HLA-DMB: variants seen among roughly 807,000 people sequenced by gnomAD.
HLA-DMB encodes HLA class II histocompatibility antigen, DM beta chain.
A neutral mutation model predicts 29.3 loss-of-function variants in HLA-DMB; 18 were observed. The observed-to-expected ratio is 0.62, with a 90% CI of 0.43 to 0.91. HLA-DMB has a LOEUF of 0.91. Among genes scored for constraint, HLA-DMB ranks in the 40% least tolerant of loss-of-function variants. HLA-DMB has a pLI of 0.00. For missense variants in HLA-DMB, 258 were observed against 320.9 expected (o/e 0.80, Z 1.50); for synonymous variants, 143 against 128.7 (o/e 1.11, Z -0.75).
At position 32,937,513 on chromosome 6, in the gene HLA-DMB, C is replaced by G; in HGVS notation, c.338-57G>C. On this transcript the variant is annotated intron_variant, in intron 2 of 5. Coordinates refer to ENST00000418107, the MANE Select transcript of HLA-DMB (RefSeq NM_002118.5). This position sits in a 1 kb window ranked among gnomAD's most constrained non-coding sequence, Gnocchi z 4.1. ...GAGGGTGACATTCTGGCTGCTTCCT[C>G]AACCTGGTTTCTTCCCTATCGCAAC... 6.5e-7 allele frequency: 1 copy of G among 1,533,028 alleles called. No individual in the cohort carries two copies. The highest frequency in any genetic ancestry group is 2.3e-5 in the East Asian group (1 of 44,214). The allele number at this position is 1,533,028 out of a possible 1,614,324, so 95.0% of individuals were successfully genotyped here.
At position 32,938,700 on chromosome 6, in the gene HLA-DMB, T is replaced by A. The variant is rs547721366; in HGVS notation, c.321A>T (p.Ser107=). 2.6e-6 allele frequency: 4 copies of A among 1,524,050 alleles called. No homozygotes were observed. The highest frequency in any genetic ancestry group is 2.5e-5 in the South Asian group (2 of 78,630). The allele number at this position is 1,524,050 out of a possible 1,614,324, so 94.4% of individuals were successfully genotyped here. Reference sequence around the variant, plus strand: ...TCTCCTCACGTGTCCTGTTGGTCAGTGATCCCCAGAAGGGCTGGGTGTGTG... The same window carrying A: ...TCTCCTCACGTGTCCTGTTGGTCAGAGATCCCCAGAAGGGCTGGGTGTGTG... ...CATHTQPFWG[S]LTNRTRPPSV... is the part of the protein sequence containing the mutation. The change falls in exon 2 of 6, where the codon TCA becomes TCT. Residue 107 remains serine, a synonymous_variant. Coordinates refer to ENST00000418107, the MANE Select transcript of HLA-DMB (RefSeq NM_002118.5).
At position 32,937,718 on chromosome 6, in the gene HLA-DMB, T is replaced by C. The variant is rs1374028685; in HGVS notation, c.338-262A>G. On this transcript the variant is annotated intron_variant, in intron 2 of 5. Coordinates refer to ENST00000418107, the MANE Select transcript of HLA-DMB (RefSeq NM_002118.5). This position sits in a 1 kb window ranked among gnomAD's most constrained non-coding sequence, Gnocchi z 4.1. ...GATTACAATTAGTAAAAGCCAGATC[T>C]GAACTGCAAGCTGTTCTAGAAGTTG... 3 of 527,772 alleles carry C rather than the reference T, an allele frequency of 5.7e-6. No homozygotes were observed. The highest frequency in any genetic ancestry group is 6.9e-5 in the Admixed American group (2 of 28,802). 32.7% of individuals were successfully genotyped at this position (527,772 alleles called of 1,614,324 possible). A position where few individuals can be genotyped will look rare whatever the true frequency, so the allele number is the denominator to read the frequency against.
chr6:32,935,685 T>G, intron 3 of HLA-DMB, 33 bp from the exon 4 acceptor site: 1 of 1,511,424 alleles, frequency 6.6e-7, no homozygotes, highest in East Asian at 2.3e-5. Flanking sequence ...TGACCCAGTT[T>G]CTGTTGCTCA....
rs556664625 is a variant in HLA-DMB, at chr6:32,940,885, A to G, written c.-78T>C. 8.8e-6 allele frequency: 10 copies of G among 1,134,388 alleles called. No individual in the cohort carries two copies. The South Asian group carries it at 1.2e-4, about 14-fold the overall frequency. The allele number at this position is 1,134,388 out of a possible 1,614,324, so 70.3% of individuals were successfully genotyped here. A position where few individuals can be genotyped will look rare whatever the true frequency, so the allele number is the denominator to read the frequency against. On this transcript the variant is annotated 5_prime_UTR_variant, in exon 1 of 6. Transcript: ENST00000418107. Reference sequence around the variant, plus strand: ...GGGTCCGTGGGTCCTCGCCTGTCCCAGAAGCCCCAGCCTGGGTAGATGATC... The same window carrying G: ...GGGTCCGTGGGTCCTCGCCTGTCCCGGAAGCCCCAGCCTGGGTAGATGATC...
chr6:32,937,494 G>GCCCC lies in HLA-DMB; in HGVS notation c.338-39_338-38insGGGG. On this transcript the variant is annotated intron_variant, in intron 2 of 5. Transcript: ENST00000418107. This position sits in a 1 kb window ranked among gnomAD's most constrained non-coding sequence, Gnocchi z 4.1. ...AAAAAACATGTTTAGGAAGGAGGGT[G>GCCCC]ACATTCTGGCTGCTTCCTCAACCTG... The GCCCC allele has an allele frequency of 1.9e-6, 3 of 1,575,666 alleles. No individual in the cohort carries two copies. The highest frequency in any genetic ancestry group is 2.6e-6 in the Non-Finnish European group (3 of 1,154,716).
In HLA-DMB at chr6:32,934,890, T is replaced by G. The variant is rs886520209; in HGVS notation, c.*81A>C. 1.5e-6 allele frequency: 2 copies of G among 1,301,320 alleles called. No homozygotes were observed. The highest frequency in any genetic ancestry group is 2.2e-6 in the Non-Finnish European group (2 of 897,242). 80.6% of individuals were successfully genotyped at this position (1,301,320 alleles called of 1,614,324 possible). ...AGGATCCAAGATAATGTCAGGGGGTTGAAGATGTTGGAGAGGCATGGTAGC... is the reference window on the plus strand; with the variant it reads ...AGGATCCAAGATAATGTCAGGGGGTGGAAGATGTTGGAGAGGCATGGTAGC... On this transcript the variant is annotated 3_prime_UTR_variant, in exon 6 of 6. Transcript: ENST00000418107.
At chr6:32,940,603 C>T in intron 1 of HLA-DMB, 150 bp downstream of exon 1, 1 of 576,216 alleles carries the variant, frequency 1.7e-6, no homozygotes, top group African/African-American at 1.9e-5. Flanking sequence ...AGATTAATTA[C>T]ATTAAAATTG....
rs796856405 is a variant in HLA-DMB at position 32,940,808 on chromosome 6, G to A, written c.-1C>T. 9 of 1,595,444 alleles carry A rather than the reference G, an allele frequency of 5.6e-6. No homozygotes were observed. In the African/African-American group the frequency reaches 1.1e-4, roughly 19 times the overall value. On this transcript the variant is annotated 5_prime_UTR_variant, in exon 1 of 6. Coordinates refer to ENST00000418107, the MANE Select transcript of HLA-DMB (RefSeq NM_002118.5). ...GCAGCAGCGGCAGGAATGTGATCATGCTCTGCTCTGTAAAGATGCCGGGAG... is the reference window on the plus strand; with the variant it reads ...GCAGCAGCGGCAGGAATGTGATCATACTCTGCTCTGTAAAGATGCCGGGAG...
chr6:32,935,614 C>G lies in HLA-DMB; in HGVS notation c.661G>C (p.Val221Leu). ...LSPMQTLKVSVSAVTLGLGLI... is the reference protein window; with the variant it reads ...LSPMQTLKVSLSAVTLGLGLI... ...CCCAGGCCCAGAGTCACTGCAGACA[C>G]AGAAACCTTCAGGGTCTGCATGGGG... Residue 221 changes from valine (V) to leucine (L), a missense_variant, in exon 4 of 6, where the codon GTG (valine) becomes CTG (leucine). Coordinates refer to ENST00000418107, the MANE Select transcript of HLA-DMB (RefSeq NM_002118.5). 1.2e-6 allele frequency: 2 copies of G among 1,612,960 alleles called. No homozygotes were observed. Among genetic ancestry groups the G allele is most frequent in the Non-Finnish European group, 1.7e-6 (2 of 1,180,018 alleles).
Position 32,938,866 on chromosome 6 carries a change from G to A in HLA-DMB, c.155C>T (p.Thr52Ile). Reference protein sequence around the residue: ...YCISFNKDLLTCWDPEENKMA... With the variant: ...YCISFNKDLLICWDPEENKMA... ...CTTATTCTCCTCTGGATCCCAGCAG[G>A]TCAGCAGATCCTTGTTGAAGGAGAT... Residue 52 changes from threonine (T) to isoleucine (I), a missense_variant, in exon 2 of 6, where the codon ACC becomes ATC. Thr to Ile is a moderately conservative substitution (Grantham distance 89, BLOSUM62 -1). Coordinates refer to ENST00000418107, the MANE Select transcript of HLA-DMB (RefSeq NM_002118.5). The A allele has an allele frequency of 1.2e-6, 2 of 1,612,430 alleles. No homozygotes were observed. The highest frequency in any genetic ancestry group is 1.7e-6 in the Non-Finnish European group (2 of 1,179,792).
chr6:32,937,659 C>A lies in HLA-DMB; in HGVS notation c.338-203G>T. On this transcript the variant is annotated intron_variant, in intron 2 of 5. Transcript: ENST00000418107. The surrounding 1 kb of genome is among the most constrained non-coding windows in gnomAD (Gnocchi z 4.1). ...TTCTTCTCTCCCATTCCTTCATTGC[C>A]CCTTTCTTTCTTTCCTCCTCCAGAA... 1.8e-6 allele frequency: 1 copy of A among 570,240 alleles called. No homozygotes were observed. The highest frequency in any genetic ancestry group is 2.4e-5 in the South Asian group (1 of 41,712). 35.3% of individuals were successfully genotyped at this position (570,240 alleles called of 1,614,324 possible).
intron 2 of HLA-DMB, 75 bp downstream of exon 2, chr6:32,938,609 C>T: frequency 7.4e-7 from 1 of 1,347,232 alleles, no homozygotes; most frequent in Non-Finnish European, 9.8e-7. Context: ...AACCCCTGGG[C>T]CACTGTGGGA....
rs201379967 is a variant in HLA-DMB, at chr6:32,935,329, A to G, written c.775+13T>C. The stretch of plus-strand genomic sequence containing the variant: ...AAAGGGCAAGTAGGGAAACAGACCA[A>G]CAGAGATGTTACCTTCTGAATAATT... On this transcript the variant is annotated intron_variant, in intron 5 of 5. Coordinates refer to ENST00000418107, the MANE Select transcript of HLA-DMB (RefSeq NM_002118.5). 4.4e-6 allele frequency: 7 copies of G among 1,608,622 alleles called. No homozygotes were observed. The highest frequency in any genetic ancestry group is 6.0e-6 in the Non-Finnish European group (7 of 1,176,060).
In HLA-DMB at chr6:32,938,983, G is replaced by A. The variant is rs959794695; in HGVS notation, c.56-18C>T. 8.9e-6 allele frequency: 13 copies of A among 1,457,370 alleles called. No individual in the cohort carries two copies. The African/African-American group carries it at 1.2e-4, about 13-fold the overall frequency. The allele number at this position is 1,457,370 out of a possible 1,614,324, so 90.3% of individuals were successfully genotyped here. On this transcript the variant is annotated intron_variant, in intron 1 of 5. Coordinates refer to ENST00000418107, the MANE Select transcript of HLA-DMB (RefSeq NM_002118.5). ...GAAGCCACCTAGAGGAGCCAGGGAA[G>A]GGAGAACAGGTCAATGTCTTCTACT... is the stretch of plus-strand genomic sequence containing the variant.
chr6:32,939,905 G>A (rs572105868), intron 1 of HLA-DMB, among the ~76,000 whole-genome samples: 2 of 152,162 alleles, frequency 1.3e-5, no homozygotes, highest in Non-Finnish European at 2.9e-5. Flanking sequence ...CCTACTACTT[G>A]TGATTGGTGT....
intron 1 of HLA-DMB, among the ~76,000 whole-genome samples, chr6:32,940,386 C>T (rs138004336): frequency 8.6e-5 from 13 of 151,648 alleles, no homozygotes; most frequent in Non-Finnish European, 1.5e-4. Flanking sequence ...TTCAGTAAGG[C>T]AAATTATTGA....
At chr6:32,940,521 A>G (rs56312646) in intron 1 of HLA-DMB, among the ~76,000 whole-genome samples, 3,375 of 152,358 alleles carry the variant, frequency 0.022, 55 homozygotes, top group South Asian at 0.038. Flanking sequence ...CTGAGGAGGC[A>G]GCAATAAATA....
At chr6:32,940,698 C>A in intron 1 of HLA-DMB, 55 bp downstream of exon 1, 1 of 1,449,192 alleles carries the variant, frequency 6.9e-7, no homozygotes. Context: ...ACGGAACACC[C>A]TTACCCTGAA....
rs1776321124 is a variant in HLA-DMB at position 32,940,866 on chromosome 6, G to A, written c.-59C>T. The A allele has an allele frequency of 2.2e-6, 3 of 1,391,734 alleles. No individual in the cohort carries two copies. Among genetic ancestry groups the A allele is most frequent in the Non-Finnish European group, 2.0e-6 (2 of 1,003,820 alleles). The allele number at this position is 1,391,734 out of a possible 1,614,324, so 86.2% of individuals were successfully genotyped here. ...CCCTGGACCAGCTCTTCCAGGGTCC[G>A]TGGGTCCTCGCCTGTCCCAGAAGCC... is the stretch of plus-strand genomic sequence containing the variant. On this transcript the variant is annotated 5_prime_UTR_variant, in exon 1 of 6. The change creates a new upstream start codon in the 5' untranslated region. Coordinates refer to ENST00000418107, the MANE Select transcript of HLA-DMB (RefSeq NM_002118.5).
Sources: allele counts gnomAD v4.1 joint callset (sites outside exome capture counted in the v4.1 genomes callset), GRCh38; gene constraint gnomAD v4.1.1; non-coding constraint Gnocchi (gnomAD v3.1); transcripts MANE v1.5; gene names NCBI Gene and HGNC (gene_info 2026-07-23, HGNC 2026-07-21).